The following TPD52L1 variants were observed in gnomAD, a reference collection of about 807,000 sequenced individuals.
The protein encoded by TPD52L1 is tumor protein D53.
A neutral mutation model predicts 28.7 loss-of-function variants in TPD52L1; 18 were observed. That is an observed-to-expected ratio of 0.63 (90% confidence interval 0.43 to 0.93). The LOEUF is 0.93. Ranked by LOEUF, TPD52L1 falls within the 40% of genes least tolerant of loss-of-function variation. The probability of loss-of-function intolerance (pLI) is 0.00; values close to 1 mark genes in which losing one functional copy is unlikely to be tolerated. For synonymous variants in TPD52L1, 75 were observed against 88.8 expected (o/e 0.84, Z 0.88); for missense variants, 203 against 254.8 (o/e 0.80, Z 1.39).
At chr6:125,207,552 G>A (rs537832100) in intron 1 of TPD52L1, among the ~76,000 whole-genome samples, 28 of 152,330 alleles carry the variant, frequency 1.8e-4, no homozygotes, top group Middle Eastern at 3.4e-3. Flanking sequence ...CAGAGACAGT[G>A]TCTCTTTCTA....
At chr6:125,199,876 A>C (rs1793694077) in intron 1 of TPD52L1, among the ~76,000 whole-genome samples, 1 of 152,218 alleles carries the variant, frequency 6.6e-6, no homozygotes, top group African/African-American at 2.4e-5. Flanking sequence ...AGCACCTGTT[A>C]AAGCTTGACT....
chr6:125,208,235 T>C (rs943708464), intron 1 of TPD52L1, among the ~76,000 whole-genome samples: 6 of 152,170 alleles, frequency 3.9e-5, no homozygotes, highest in African/African-American at 1.4e-4. Flanking sequence ...GGCCAAGATA[T>C]CATTAGAGAG....
chr6:125,172,550 A>ATATG (rs1554202705), intron 1 of TPD52L1, among the ~76,000 whole-genome samples: 3 of 90,872 alleles, frequency 3.3e-5, no homozygotes, highest in Admixed American at 1.3e-4. Flanking sequence ...ATATATATAT[A>ATATG]TAATATATAT....
intron 1 of TPD52L1, among the ~76,000 whole-genome samples, chr6:125,171,577 C>T (rs1791300807): frequency 6.6e-6 from 1 of 152,156 alleles, no homozygotes; most frequent in Non-Finnish European, 1.5e-5. Context: ...GAACTGTGGG[C>T]AGCTTCTAGA....
intron 3 of TPD52L1, among the ~76,000 whole-genome samples, chr6:125,237,855 T>C (rs1414042085): frequency 1.3e-5 from 2 of 152,124 alleles, no homozygotes; most frequent in South Asian, 2.1e-4. Flanking sequence ...AGACAGGGTT[T>C]CACCATGTTT....
At chr6:125,238,456 C>T (rs2115010537) in intron 3 of TPD52L1, among the ~76,000 whole-genome samples, 1 of 152,164 alleles carries the variant, frequency 6.6e-6, no homozygotes, top group South Asian at 2.1e-4. Flanking sequence ...CACCCATCAC[C>T]CAAACAGTGT....
intron 1 of TPD52L1, among the ~76,000 whole-genome samples, chr6:125,195,484 A>G (rs1439517292): frequency 6.6e-6 from 1 of 152,094 alleles, no homozygotes; most frequent in Non-Finnish European, 1.5e-5. Context: ...ATTTTGTGTC[A>G]CCCATCCATG....
chr6:125,219,840 T>C (rs1291550380), intron 1 of TPD52L1: 2 of 496,162 alleles, frequency 4.0e-6, no homozygotes, highest in Admixed American at 6.2e-5. Flanking sequence ...AAGCTTGTCC[T>C]GTTTACATCT....
At chr6:125,261,239 A>G (rs1798039211) in intron 6 of TPD52L1, 1 of 152,114 alleles carries the variant, frequency 6.6e-6, no homozygotes, top group Non-Finnish European at 1.5e-5. Context: ...ATTCAATTTA[A>G]TAAATAAATT....
intron 1 of TPD52L1, among the ~76,000 whole-genome samples, chr6:125,158,967 G>A (rs1375416298): frequency 6.6e-6 from 1 of 152,198 alleles, no homozygotes; most frequent in East Asian, 1.9e-4. Context: ...GCTAAAAATT[G>A]CTAACGATCA....
chr6:125,248,288 G>A lies in TPD52L1; in HGVS notation c.291G>A (p.Lys97=), dbSNP rs991518620. 6.2e-7 allele frequency: 1 copy of A among 1,613,690 alleles called. No individual in the cohort carries two copies. The highest frequency in any genetic ancestry group is 1.3e-5 in the African/African-American group (1 of 75,006). The change falls in exon 4 of 7, where the codon AAG becomes AAA. Residue 97 remains lysine, a synonymous_variant. Coordinates refer to ENST00000534000, the MANE Select transcript of TPD52L1 (RefSeq NM_003287.4). ...WHDMQTTTAY[K]KTHETLSHAG... Reference sequence around the variant, plus strand: ...TGTTCTGTTTTATTTCTAGCTACAAGAAAACACATGAAACCCTGAGTCACG... The same window carrying A: ...TGTTCTGTTTTATTTCTAGCTACAAAAAAACACATGAAACCCTGAGTCACG...
intron 1 of TPD52L1, among the ~76,000 whole-genome samples, chr6:125,206,805 G>A (rs934098317): frequency 1.4e-5 from 2 of 142,850 alleles, no homozygotes; most frequent in African/African-American, 5.2e-5. Context: ...TTGGGTGGTG[G>A]AGAAAGAGAA....
chr6:125,154,285 G>A, intron 1 of TPD52L1: 1 of 1,190,428 alleles, frequency 8.4e-7, no homozygotes, highest in Non-Finnish European at 1.0e-6. Context: ...CTGCCCGAAG[G>A]ACCTGTTGTG....
chr6:125,217,101 C>T (rs1160385877), intron 1 of TPD52L1, among the ~76,000 whole-genome samples: 1 of 152,004 alleles, frequency 6.6e-6, no homozygotes, highest in African/African-American at 2.4e-5. Context: ...TACTCATGAA[C>T]AGAAAGTCAG....
intron 1 of TPD52L1, among the ~76,000 whole-genome samples, chr6:125,156,242 T>C (rs1465094113): frequency 6.6e-6 from 1 of 151,940 alleles, no homozygotes; most frequent in Non-Finnish European, 1.5e-5. Flanking sequence ...GGTAGGAGGA[T>C]CACTTAGAGC....
intron 3 of TPD52L1, among the ~76,000 whole-genome samples, chr6:125,241,122 T>C (rs984477921): frequency 1.3e-5 from 2 of 152,188 alleles, no homozygotes; most frequent in African/African-American, 4.8e-5. Flanking sequence ...ATGTAATGTA[T>C]CACATTTATT....
chr6:125,169,825 T>C (rs1369719775), intron 1 of TPD52L1, among the ~76,000 whole-genome samples: 1 of 152,196 alleles, frequency 6.6e-6, no homozygotes, highest in African/African-American at 2.4e-5. Context: ...TTTGAAGTTC[T>C]CCGGTAGTTC....
chr6:125,167,277 C>A (rs149509760), intron 1 of TPD52L1, among the ~76,000 whole-genome samples: 205 of 152,116 alleles, frequency 1.3e-3, no homozygotes, highest in African/African-American at 4.8e-3. Context: ...AACAAAAAAA[C>A]ACCTCTTATG....
chr6:125,253,641 T>C, intron 4 of TPD52L1, 76 bp from the exon 5 acceptor site: 1 of 1,278,496 alleles, frequency 7.8e-7, no homozygotes, highest in Admixed American at 1.9e-5. Flanking sequence ...GAACTACGAA[T>C]AGGGAGTTTT....
Sources: allele counts gnomAD v4.1 joint callset (sites outside exome capture counted in the v4.1 genomes callset), GRCh38; gene constraint gnomAD v4.1.1; transcripts MANE v1.5; gene names NCBI Gene and HGNC (gene_info 2026-07-23, HGNC 2026-07-21).